SYNE1: variants seen among roughly 807,000 people sequenced by gnomAD.
SYNE1 encodes spectrin repeat containing nuclear envelope protein 1, also known as nesprin-1.
Under a neutral mutation model 1,111.0 loss-of-function variants are expected in SYNE1, and 616 were observed. The observed-to-expected ratio is 0.55, with a 90% CI of 0.52 to 0.59. SYNE1 has a LOEUF of 0.59. SYNE1 is among the 20% of genes least tolerant of loss of function. The pLI is 0.00. For synonymous variants in SYNE1, 3,855 were observed against 3,825.8 expected, an observed-to-expected ratio of 1.01 and a Z score of -0.28; for missense variants, 10,006 against 10,417.0, an observed-to-expected ratio of 0.96 and a Z score of 1.72.
At chr6:152,297,993 T>C (rs1166837581) in intron 93 of SYNE1, among the ~76,000 whole-genome samples, 1 of 152,206 alleles carries the variant, frequency 6.6e-6, no homozygotes, top group East Asian at 1.9e-4. Flanking sequence ...CTAAAGTCAA[T>C]ACTTGATGTA....
chr6:152,444,679 A>G, intron 29 of SYNE1, 101 bp from the exon 30 acceptor site: 1 of 1,067,290 alleles, frequency 9.4e-7, no homozygotes, highest in East Asian at 2.6e-5. Context: ...AACATTGTAC[A>G]TATTTAAGGT....
intron 51 of SYNE1, among the ~76,000 whole-genome samples, chr6:152,395,098 T>C (rs934453237): frequency 6.4e-5 from 7 of 108,674 alleles, no homozygotes; most frequent in African/African-American, 2.4e-4. Context: ...TCTTTTTTTC[T>C]TTTTTTTATC....
intron 8 of SYNE1, among the ~76,000 whole-genome samples, chr6:152,509,214 C>G (rs1306715136): frequency 6.7e-6 from 1 of 149,378 alleles, no homozygotes; most frequent in African/African-American, 2.5e-5. Flanking sequence ...TGAGAAAGTA[C>G]TTTTTGAGAG....
intron 130 of SYNE1, among the ~76,000 whole-genome samples, chr6:152,169,147 AAT>A (rs2064443395): frequency 6.6e-6 from 1 of 152,132 alleles, no homozygotes; most frequent in South Asian, 2.1e-4. Flanking sequence ...AAATAATGAA[AAT>A]TTGCTAAGTT....
rs560866369 is a variant in SYNE1, at chr6:152,594,830, T to G, written c.67+33435A>C. 2.2e-4 allele frequency among the ~76,000 whole-genome samples: 33 copies of G among 152,202 alleles called. No homozygotes were observed. In the South Asian group the frequency reaches 6.4e-3, roughly 30 times the overall value. On this transcript the variant is annotated intron_variant, in intron 3 of 145. Transcript: ENST00000367255. ...ATCCTCATGATTTTAAAGAAAACAT[T>G]CTTATCAATTCCCAGTCTCTCCTGA...
At chr6:152,509,248 C>CTTTTTTTTTTTTTTTTTTTT (rs11305679) in intron 8 of SYNE1, among the ~76,000 whole-genome samples, 2 of 75,784 alleles carry the variant, frequency 2.6e-5, no homozygotes, top group African/African-American at 4.8e-5. Flanking sequence ...TTTTCTTTTT[C>CTTTTTTTTTTTTTTTTTTTT]TTTTTTTTTT....
At chr6:152,344,853 A>C (rs2096603460) in intron 73 of SYNE1, among the ~76,000 whole-genome samples, 1 of 152,200 alleles carries the variant, frequency 6.6e-6, no homozygotes, top group African/African-American at 2.4e-5. Context: ...ACCAATTTTC[A>C]TTTTATCCAT....
At chr6:152,470,236 A>G (rs1039171886) in intron 16 of SYNE1, among the ~76,000 whole-genome samples, 18 of 152,174 alleles carry the variant, frequency 1.2e-4, no homozygotes, top group Non-Finnish European at 2.9e-5. Flanking sequence ...TATTAATATC[A>G]TTGTGTTGGA....
At chr6:152,199,063 G>T (rs2074837646) in intron 127 of SYNE1, among the ~76,000 whole-genome samples, 1 of 151,000 alleles carries the variant, frequency 6.6e-6, no homozygotes, top group Non-Finnish European at 1.5e-5. Context: ...GCAATAAAAT[G>T]AGGTTTGCCC....
chr6:152,463,566 G>A lies in SYNE1; in HGVS notation c.1933-49C>T, dbSNP rs369900019. On this transcript the variant is annotated intron_variant, in intron 18 of 145. Coordinates refer to ENST00000367255, the MANE Select transcript of SYNE1 (RefSeq NM_182961.4). ...ATCATAAACCATAAACCAAATATCA[G>A]TGACTGATATGAAAGTGACTAAAGT... The A allele has an allele frequency of 6.1e-6, 9 of 1,479,908 alleles. No individual in the cohort carries two copies. The African/African-American group carries it at 1.2e-4, about 20-fold the overall frequency. The allele number at this position is 1,479,908 out of a possible 1,614,324, so 91.7% of individuals were successfully genotyped here.
At chr6:152,172,104 C>T (rs1013717020) in intron 130 of SYNE1, among the ~76,000 whole-genome samples, 2 of 152,196 alleles carry the variant, frequency 1.3e-5, no homozygotes, top group African/African-American at 4.8e-5. Flanking sequence ...TGTATATGAA[C>T]TATTCAGAAC....
intron 5 of SYNE1, 105 bp from the exon 6 acceptor site, chr6:152,520,647 A>T (rs1192007708): frequency 3.2e-6 from 4 of 1,249,006 alleles, no homozygotes; most frequent in Non-Finnish European, 3.4e-6. Context: ...AAGAATATTC[A>T]AAAGCAACCA....
At chr6:152,256,486 CCAGTGATCTTTGTTT>C in intron 102 of SYNE1, 133 bp downstream of exon 102, 1 of 809,916 alleles carries the variant, frequency 1.2e-6, no homozygotes, top group Admixed American at 2.1e-5. Flanking sequence ...ACTCCAGGGT[CCAGTGATCTTTGTTT>C]CAGCGCTTAT....
In SYNE1 at chr6:152,244,596, T is replaced by C. The variant is rs752758439; in HGVS notation, c.19633A>G (p.Arg6545Gly). Reference protein sequence around the residue: ...EFDAGIIELKRRGDKLQVEQP... With the variant: ...EFDAGIIELKGRGDKLQVEQP... ...TCGACCTGTAGCTTGTCACCACGCCTCTTTAATTCAATGATTCCTGCATCA... is the reference window on the plus strand; with the variant it reads ...TCGACCTGTAGCTTGTCACCACGCCCCTTTAATTCAATGATTCCTGCATCA... Residue 6545 changes from arginine (R) to glycine (G), a missense_variant, in exon 106 of 146, where the codon AGG (arginine) becomes GGG (glycine). By Grantham distance (125) the Arg-to-Gly change is moderately radical. This residue lies in a region of SYNE1 where 2,182 missense variants were observed against 2,287.8 expected (regional missense o/e 0.95). Transcript: ENST00000367255. 6.2e-7 allele frequency: 1 copy of C among 1,614,106 alleles called. No homozygotes were observed. Among genetic ancestry groups the C allele is most frequent in the South Asian group, 1.1e-5 (1 of 91,088 alleles).
At position 152,387,110 on chromosome 6, in the gene SYNE1, G is replaced by T; in HGVS notation, c.8449C>A (p.Leu2817Met). The change falls in exon 54 of 146, where the codon CTG becomes ATG. Residue 2817 changes from leucine (L) to methionine (M), a missense_variant. By Grantham distance (15) the Leu-to-Met change is conservative. Transcript: ENST00000367255. ...ESFKDTAQEE[L>M]KTQFNDIMTV... ...ATTATATCATTAAACTGTGTTTTCAGCTCCTCTTGAGCTGTGTCCTTGAAA... is the reference window on the plus strand; with the variant it reads ...ATTATATCATTAAACTGTGTTTTCATCTCCTCTTGAGCTGTGTCCTTGAAA... 1 of 1,614,074 alleles carries T rather than the reference G, an allele frequency of 6.2e-7. No homozygotes were observed. The highest frequency in any genetic ancestry group is 1.3e-5 in the African/African-American group (1 of 75,016).
chr6:152,396,986 T>C lies in SYNE1; in HGVS notation c.7351-6A>G. ...CTGACTGAGTCCAAAATGTTCTGTTTCAGGAAATAAAGGTAATAGGTCCAT... is the reference window on the plus strand; with the variant it reads ...CTGACTGAGTCCAAAATGTTCTGTTCCAGGAAATAAAGGTAATAGGTCCAT... On this transcript the variant is annotated splice_polypyrimidine_tract_variant and splice_region_variant and intron_variant, in intron 49 of 145. Transcript: ENST00000367255. The C allele has an allele frequency of 1.2e-6, 2 of 1,614,056 alleles. No homozygotes were observed. The highest frequency in any genetic ancestry group is 1.7e-6 in the Non-Finnish European group (2 of 1,179,936).
At chr6:152,373,635 C>T (rs375017765) in intron 58 of SYNE1, among the ~76,000 whole-genome samples, 14 of 151,572 alleles carry the variant, frequency 9.2e-5, no homozygotes, top group Non-Finnish European at 1.3e-4. Flanking sequence ...TTACTGTATA[C>T]GTTAAATGAC....
intron 59 of SYNE1, 110 bp downstream of exon 59, chr6:152,372,927 A>G (rs1047302525): frequency 1.7e-5 from 20 of 1,210,572 alleles, no homozygotes; most frequent in Non-Finnish European, 2.2e-5. Context: ...TGAGAGGGGT[A>G]ACCAAAATCA....
chr6:152,287,261 G>GT (rs1378038503), intron 95 of SYNE1, among the ~76,000 whole-genome samples: 3 of 152,076 alleles, frequency 2.0e-5, no homozygotes, highest in Admixed American at 2.0e-4. Context: ...GTAGAAAGAG[G>GT]TGAAAATTCT....
Sources: allele counts gnomAD v4.1 joint callset (sites outside exome capture counted in the v4.1 genomes callset), GRCh38; gene constraint gnomAD v4.1.1; regional missense constraint gnomAD v4.1.1; transcripts MANE v1.5; gene names NCBI Gene and HGNC (gene_info 2026-07-23, HGNC 2026-07-21).